The following HMBOX1 variants were observed in gnomAD, a reference collection of about 807,000 sequenced individuals.
HMBOX1 encodes homeobox containing 1.
Under a neutral mutation model 54.5 loss-of-function variants are expected in HMBOX1, and 14 were observed. The observed-to-expected ratio is 0.26, with a 90% CI of 0.17 to 0.40. HMBOX1 has a LOEUF of 0.40. HMBOX1 is among the 10% of genes least tolerant of loss of function. HMBOX1 has a pLI of 1.00. For synonymous variants in HMBOX1, 160 were observed against 181.0 expected (o/e 0.88, Z 0.93); for missense variants, 332 against 514.4 (o/e 0.65, Z 3.43).
intron 1 of HMBOX1, among the ~76,000 whole-genome samples, chr8:28,892,394 G>T (rs1018686090): frequency 1.3e-5 from 2 of 152,064 alleles, no homozygotes; most frequent in African/African-American, 4.8e-5. Context: ...CACACTAGGA[G>T]AATTTAAGGT....
At chr8:29,009,512 A>G (rs1206217396) in intron 5 of HMBOX1, 4 of 738,482 alleles carry the variant, frequency 5.4e-6, no homozygotes, top group East Asian at 2.9e-4. Flanking sequence ...ACTACGTAAG[A>G]TTCCGTATCT....
chr8:28,938,410 A>G (rs1018703937), intron 1 of HMBOX1, among the ~76,000 whole-genome samples: 4 of 152,188 alleles, frequency 2.6e-5, no homozygotes, highest in Non-Finnish European at 4.4e-5. Flanking sequence ...TCACACTCAT[A>G]TGAAGCAGCA....
chr8:28,995,392 A>G (rs895513185), intron 4 of HMBOX1, among the ~76,000 whole-genome samples: 2 of 152,206 alleles, frequency 1.3e-5, no homozygotes, highest in African/African-American at 4.8e-5. Flanking sequence ...ATATGTATAT[A>G]CTATATTTAT....
chr8:29,009,770 T>C (rs1833992956), intron 5 of HMBOX1: 1 of 1,276,936 alleles, frequency 7.8e-7, no homozygotes, highest in South Asian at 1.3e-5. Flanking sequence ...GACAAAAAAA[T>C]TTATGTCTAG....
intron 6 of HMBOX1, among the ~76,000 whole-genome samples, chr8:29,019,750 A>G (rs1800881408): frequency 6.6e-6 from 1 of 152,220 alleles, no homozygotes; most frequent in South Asian, 2.1e-4. Flanking sequence ...CATGTCTAAA[A>G]TGAAATTTTT....
At position 29,051,280 on chromosome 8, in the gene HMBOX1, G is replaced by C; in HGVS notation, c.*125G>C. On this transcript the variant is annotated 3_prime_UTR_variant, in exon 10 of 10. Transcript: ENST00000287701. ...TTTCTTGTATGTCAGGTAGCTGTTAGGGTCTTGTTCTGTGAAGATGGCATG... is the reference window on the plus strand; with the variant it reads ...TTTCTTGTATGTCAGGTAGCTGTTACGGTCTTGTTCTGTGAAGATGGCATG... 9.5e-7 allele frequency: 1 copy of C among 1,051,022 alleles called. No individual in the cohort carries two copies. The highest frequency in any genetic ancestry group is 1.4e-6 in the Non-Finnish European group (1 of 717,482). The allele number at this position is 1,051,022 out of a possible 1,614,324, so 65.1% of individuals were successfully genotyped here.
At chr8:29,009,437 C>T (rs1586452738) in intron 5 of HMBOX1, 1 of 980,180 alleles carries the variant, frequency 1.0e-6, no homozygotes, top group Non-Finnish European at 1.2e-6. Flanking sequence ...TATGATATTT[C>T]TAGCCATAGT....
At chr8:28,916,523 A>C (rs77636420) in intron 1 of HMBOX1, among the ~76,000 whole-genome samples, 4,777 of 152,206 alleles carry the variant, frequency 0.031, 267 homozygotes, top group African/African-American at 0.11. Flanking sequence ...ATGTTTTTGG[A>C]TATAGATTTC....
intron 4 of HMBOX1, among the ~76,000 whole-genome samples, chr8:29,006,709 G>A (rs757118917): frequency 9.9e-5 from 15 of 151,996 alleles, no homozygotes; most frequent in African/African-American, 3.1e-4. Flanking sequence ...ACTAATGTCC[G>A]TTTGATGAGA....
At chr8:29,049,169 C>T in intron 9 of HMBOX1, 121 bp downstream of exon 9, 1 of 1,490,100 alleles carries the variant, frequency 6.7e-7, no homozygotes, top group Non-Finnish European at 9.2e-7. Context: ...TGTCCCTCCA[C>T]TCTGCTCCTG....
chr8:28,902,465 G>T (rs1381485737), intron 1 of HMBOX1, among the ~76,000 whole-genome samples: 1 of 152,098 alleles, frequency 6.6e-6, no homozygotes, highest in Non-Finnish European at 1.5e-5. Context: ...GGACCCAACC[G>T]TGAGGCACAG....
At position 29,052,837 on chromosome 8, in the gene HMBOX1, G is replaced by C. The variant is rs1267660981; in HGVS notation, c.*1682G>C. On this transcript the variant is annotated 3_prime_UTR_variant, in exon 10 of 10. Transcript: ENST00000287701. ...TATGTATAATGAAGCCTTGTTTAAA[G>C]GGGCATGTGGGGCTGGATGTTAAGC... 1 of 152,186 alleles carries C rather than the reference G, an allele frequency of 6.6e-6. No homozygotes were observed. Among genetic ancestry groups the C allele is most frequent in the African/African-American group, 2.4e-5 (1 of 41,438 alleles). 9.4% of individuals were successfully genotyped at this position (152,186 alleles called of 1,614,324 possible).
rs557037438 is a variant in HMBOX1, at chr8:29,009,011, T to A, written c.587-61T>A. 1.9e-5 allele frequency: 25 copies of A among 1,328,662 alleles called. No individual in the cohort carries two copies. In the South Asian group the frequency reaches 2.4e-4, roughly 13 times the overall value. The allele number at this position is 1,328,662 out of a possible 1,614,324, so 82.3% of individuals were successfully genotyped here. The stretch of plus-strand genomic sequence containing the variant: ...CACCCAGTAACCTAGAACCAAAAGA[T>A]CCTTTATTAATTTCACTGTAATTTC... On this transcript the variant is annotated intron_variant, in intron 4 of 9. Coordinates refer to ENST00000287701, the MANE Select transcript of HMBOX1 (RefSeq NM_001135726.3).
chr8:29,016,101 TA>T (rs1436509551), intron 5 of HMBOX1, among the ~76,000 whole-genome samples: 2 of 152,194 alleles, frequency 1.3e-5, no homozygotes, highest in Non-Finnish European at 2.9e-5. Context: ...GATATAAAGA[TA>T]CTCAGTGATA....
chr8:28,976,345 C>T (rs1333645507), intron 3 of HMBOX1, among the ~76,000 whole-genome samples: 1 of 152,136 alleles, frequency 6.6e-6, no homozygotes, highest in Non-Finnish European at 1.5e-5. Flanking sequence ...TATTTAATTT[C>T]ATTGCTAGGA....
intron 1 of HMBOX1, among the ~76,000 whole-genome samples, chr8:28,946,297 G>A (rs1480070825): frequency 6.6e-6 from 1 of 151,954 alleles, no homozygotes; most frequent in African/African-American, 2.4e-5. Flanking sequence ...AGGCGTGGTG[G>A]GTGGCTCATG....
chr8:28,966,305 A>T (rs1586150033), intron 2 of HMBOX1, among the ~76,000 whole-genome samples: 1 of 152,236 alleles, frequency 6.6e-6, no homozygotes, highest in African/African-American at 2.4e-5. Flanking sequence ...GAACTGAGCC[A>T]TAATTCCTGA....
At chr8:29,016,966 G>T (rs1331577604) in intron 5 of HMBOX1, among the ~76,000 whole-genome samples, 1 of 152,230 alleles carries the variant, frequency 6.6e-6, no homozygotes, top group Non-Finnish European at 1.5e-5. Flanking sequence ...AGACCAGGAG[G>T]CAGGGATCCT....
chr8:28,896,161 T>A (rs1812068678), intron 1 of HMBOX1, among the ~76,000 whole-genome samples: 1 of 152,236 alleles, frequency 6.6e-6, no homozygotes, highest in Non-Finnish European at 1.5e-5. Flanking sequence ...AAATAGTACC[T>A]ACTTCATAGG....
Sources: gnomAD v4.1 joint callset for allele counts (sites outside exome capture counted in the v4.1 genomes callset) on GRCh38, gnomAD v4.1.1 for gene constraint, MANE v1.5 for transcripts, NCBI Gene and HGNC (gene_info 2026-07-23, HGNC 2026-07-21) for gene names.